Variants in TNFSF11 observed in about 807,000 individuals in gnomAD.
TNFSF11 encodes tumor necrosis factor ligand superfamily member 11.
Under a neutral mutation model 32.2 loss-of-function variants are expected in TNFSF11, and 12 were observed. The observed-to-expected ratio is 0.37, with a 90% CI of 0.24 to 0.60. The LOEUF (loss-of-function observed/expected upper bound fraction) is 0.60. Among genes scored for constraint, TNFSF11 ranks in the 20% least tolerant of loss-of-function variants. TNFSF11 has a pLI of 0.66. For missense variants in TNFSF11, 345 were observed against 398.0 expected, an observed-to-expected ratio of 0.87 and a Z score of 1.13; for synonymous variants, 172 against 152.1, an observed-to-expected ratio of 1.13 and a Z score of -0.96.
At chr13:42,595,946 A>T (rs1460403875) in intron 2 of TNFSF11, among the ~76,000 whole-genome samples, 2 of 152,270 alleles carry the variant, frequency 1.3e-5, no homozygotes, top group Non-Finnish European at 2.9e-5. Flanking sequence ...AATCTGACAG[A>T]TGTAGAGGAC....
chr13:42,591,606 GC>G (rs1868480842), intron 2 of TNFSF11, among the ~76,000 whole-genome samples: 1 of 152,140 alleles, frequency 6.6e-6, no homozygotes, highest in Non-Finnish European at 1.5e-5. Flanking sequence ...TGCACTATGG[GC>G]TCTTCATAAG....
intron 1 of TNFSF11, among the ~76,000 whole-genome samples, chr13:42,579,300 T>C (rs1294627790): frequency 6.6e-6 from 1 of 150,798 alleles, no homozygotes; most frequent in Non-Finnish European, 1.5e-5. Context: ...CCCAGCTACA[T>C]GGAAGGCTAA....
At position 42,607,020 on chromosome 13, in the gene TNFSF11, A is replaced by G. The variant is rs1869498673; in HGVS notation, c.*102A>G. ...TAGGTGTGTGAGACTACTAAGAGGCATGGCCCCAACGGTACACGACTCAGT... is the reference window on the plus strand; with the variant it reads ...TAGGTGTGTGAGACTACTAAGAGGCGTGGCCCCAACGGTACACGACTCAGT... On this transcript the variant is annotated 3_prime_UTR_variant, in exon 5 of 5. Transcript: ENST00000398795. 1 of 1,463,790 alleles carries G rather than the reference A, an allele frequency of 6.8e-7. No individual in the cohort carries two copies. The highest frequency in any genetic ancestry group is 9.5e-7 in the Non-Finnish European group (1 of 1,056,462). The allele number at this position is 1,463,790 out of a possible 1,614,324, so 90.7% of individuals were successfully genotyped here. A position where few individuals can be genotyped will look rare whatever the true frequency, so the allele number is the denominator to read the frequency against.
chr13:42,588,702 G>C (rs1241820774), intron 2 of TNFSF11, among the ~76,000 whole-genome samples: 1 of 152,178 alleles, frequency 6.6e-6, no homozygotes, highest in Non-Finnish European at 1.5e-5. Flanking sequence ...AAGTCCTCCA[G>C]ATCTATCAGT....
Position 42,581,176 on chromosome 13 carries a change from T to G in TNFSF11, c.270T>G (p.Ile90Met). 6.2e-7 allele frequency: 1 copy of G among 1,614,138 alleles called. No individual in the cohort carries two copies. The highest frequency in any genetic ancestry group is 8.5e-7 in the Non-Finnish European group (1 of 1,179,990). ...ATGGCACTCACTGCATTTATAGAAT[T>G]TTGAGACTCCATGAAAATGCAGATT... The part of the protein sequence containing the change: ...SEDGTHCIYR[I>M]LRLHENADFQ... Residue 90 changes from isoleucine (I) to methionine (M), a missense_variant, in exon 2 of 5, where the codon ATT becomes ATG. Physicochemically the swap from Ile to Met is conservative, Grantham distance 10. Transcript: ENST00000398795.
Position 42,606,844 on chromosome 13 carries a change from T to C in TNFSF11, c.880T>C (p.Ser294Pro). 6.2e-7 allele frequency: 1 copy of C among 1,614,052 alleles called. No homozygotes were observed. The highest frequency in any genetic ancestry group is 1.1e-5 in the South Asian group (1 of 91,058). ...TGGAGAGGAAATCAGCATCGAGGTC[T>C]CCAACCCCTCCTTACTGGATCCGGA... ...RSGEEISIEVSNPSLLDPDQD... is the reference protein window; with the variant it reads ...RSGEEISIEVPNPSLLDPDQD... The change falls in exon 5 of 5, where the codon TCC becomes CCC. Residue 294 changes from serine to proline, a missense_variant. Ser to Pro is a moderately conservative substitution (Grantham distance 74, BLOSUM62 -1). Transcript: ENST00000398795.
intron 1 of TNFSF11, among the ~76,000 whole-genome samples, chr13:42,580,258 G>C (rs1873537098): frequency 6.6e-6 from 1 of 152,210 alleles, no homozygotes; most frequent in Non-Finnish European, 1.5e-5. Context: ...GGCTTGGAAG[G>C]AGCAGGCAGA....
chr13:42,575,015 G>C (rs911006251), intron 1 of TNFSF11, among the ~76,000 whole-genome samples: 2 of 152,226 alleles, frequency 1.3e-5, no homozygotes, highest in African/African-American at 4.8e-5. Context: ...GTGTGCTGGG[G>C]CCACGGTGCT....
At chr13:42,597,230 G>A (rs946363304) in intron 2 of TNFSF11, among the ~76,000 whole-genome samples, 3 of 152,032 alleles carry the variant, frequency 2.0e-5, no homozygotes, top group African/African-American at 4.8e-5. Context: ...TAAGGTTTCT[G>A]AGGGGAATTG....
chr13:42,604,774 T>G (rs771588512), intron 4 of TNFSF11, among the ~76,000 whole-genome samples: 1 of 152,068 alleles, frequency 6.6e-6, no homozygotes, highest in Non-Finnish European at 1.5e-5. Flanking sequence ...GTTTCCTTTT[T>G]TTTGTTTGTT....
intron 2 of TNFSF11, among the ~76,000 whole-genome samples, chr13:42,585,434 G>GT (rs1207334657): frequency 2.6e-5 from 4 of 152,090 alleles, no homozygotes; most frequent in African/African-American, 9.7e-5. Context: ...ATGTAATGCT[G>GT]TTTTTTTCCC....
chr13:42,598,077 G>C (rs971479218), intron 2 of TNFSF11, among the ~76,000 whole-genome samples: 2 of 151,998 alleles, frequency 1.3e-5, no homozygotes, highest in African/African-American at 4.8e-5. Context: ...AAACTCCTAG[G>C]CTCAAGTGAT....
intron 2 of TNFSF11, among the ~76,000 whole-genome samples, chr13:42,595,532 C>T (rs1868760061): frequency 6.6e-6 from 1 of 152,156 alleles, no homozygotes; most frequent in Non-Finnish European, 1.5e-5. Flanking sequence ...AAAATAGGGG[C>T]GTCCTTTGCC....
chr13:42,592,810 A>G (rs189398), intron 2 of TNFSF11, among the ~76,000 whole-genome samples: 27,870 of 151,898 alleles, frequency 0.18, 2,704 homozygotes, highest in East Asian at 0.3. Context: ...ATGGTAGTGA[A>G]TCTCATGAGA....
In TNFSF11 at chr13:42,574,253, G is replaced by C; in HGVS notation, c.-51G>C. On this transcript the variant is annotated 5_prime_UTR_variant, in exon 1 of 5. Coordinates refer to ENST00000398795, the MANE Select transcript of TNFSF11 (RefSeq NM_003701.4). Reference sequence around the variant, plus strand: ...TCCGGAGTTGGCCGCAGACAAGAAGGGGAGGGAGCGGGAGAGGGAGGAGAG... The same window carrying C: ...TCCGGAGTTGGCCGCAGACAAGAAGCGGAGGGAGCGGGAGAGGGAGGAGAG... The C allele has an allele frequency of 6.5e-7, 1 of 1,539,698 alleles. No homozygotes were observed. Among genetic ancestry groups the C allele is most frequent in the East Asian group, 2.5e-5 (1 of 40,718 alleles).
intron 2 of TNFSF11, among the ~76,000 whole-genome samples, chr13:42,594,227 T>TATTTTTA (rs1566384262): frequency 6.6e-6 from 1 of 152,076 alleles, no homozygotes; most frequent in African/African-American, 2.4e-5. Flanking sequence ...TACTGGCAAC[T>TATTTTTA]GCCACCATGC....
chr13:42,567,692 C>T (rs1326899689), intron 2 of TNFSF11, among the ~76,000 whole-genome samples: 4 of 152,196 alleles, frequency 2.6e-5, no homozygotes, highest in African/African-American at 9.7e-5. Context: ...GACACAACAG[C>T]TGACAGCATT....
At chr13:42,572,527 C>T (rs1362451186), upstream of TNFSF11, among the ~76,000 whole-genome samples, 1 of 152,026 alleles carries the variant, frequency 6.6e-6, no homozygotes, top group Non-Finnish European at 1.5e-5. Flanking sequence ...GACAATAAAC[C>T]TACTTCCCAA....
chr13:42,593,479 G>A (rs1868617943), intron 2 of TNFSF11, among the ~76,000 whole-genome samples: 1 of 152,148 alleles, frequency 6.6e-6, no homozygotes, highest in African/African-American at 2.4e-5. Context: ...GTCCTAATGA[G>A]AAATGATGAA....
Sources: gnomAD v4.1 joint callset for allele counts (sites outside exome capture counted in the v4.1 genomes callset) on GRCh38, gnomAD v4.1.1 for gene constraint, MANE v1.5 for transcripts, NCBI Gene and HGNC (gene_info 2026-07-23, HGNC 2026-07-21) for gene names.